The following EYS variants were observed in gnomAD, a reference collection of about 807,000 sequenced individuals.
EYS encodes the protein EGF-like photoreceptor maintenance factor.
In EYS, 250 loss-of-function variants were observed where a neutral mutation model predicts 282.1. That is an observed-to-expected ratio of 0.89 (90% CI 0.80 to 0.98). The LOEUF (loss-of-function observed/expected upper bound fraction) is 0.98. Ranked by LOEUF, EYS falls within the 50% of genes least tolerant of loss-of-function variation. The pLI is 0.00. For missense variants in EYS, 4,016 were observed against 3,709.0 expected (o/e 1.08, Z -2.15); for synonymous variants, 1,355 against 1,282.9 (o/e 1.06, Z -1.20).
intron 30 of EYS, among the ~76,000 whole-genome samples, chr6:64,235,888 A>G (rs6919421): frequency 0.051 from 7,808 of 152,268 alleles, 624 homozygotes; most frequent in African/African-American, 0.18. Flanking sequence ...GAATTCTACC[A>G]GAGGTACAAG....
intron 33 of EYS, among the ~76,000 whole-genome samples, chr6:64,009,648 T>G (rs1053360038): frequency 6.6e-6 from 1 of 152,166 alleles, no homozygotes; most frequent in Non-Finnish European, 1.5e-5. Context: ...ATTGTACTCC[T>G]TAGATTCTTT....
rs140392637 is a variant in EYS, at chr6:63,874,453, G to T, written c.7056-10095C>A. On this transcript the variant is annotated intron_variant, in intron 35 of 42. Transcript: ENST00000503581. ...TGATGCCAACAGCTTTGTTCTTTTG[G>T]CTTAGGATTGTCTTGGCAATGTGGG... Among the ~76,000 whole-genome samples the T allele has an allele frequency of 1.8e-3, 267 of 152,220 alleles. 1 individual carries two copies. The highest frequency in any genetic ancestry group is 6.0e-3 in the African/African-American group (248 of 41,548).
chr6:64,482,697 C>T (rs923029121), intron 26 of EYS, among the ~76,000 whole-genome samples: 1 of 151,652 alleles, frequency 6.6e-6, no homozygotes, highest in African/African-American at 2.4e-5. Context: ...GATATGACAA[C>T]ACAGAAATTG....
chr6:64,551,117 C>CAT (rs969347276), intron 26 of EYS, among the ~76,000 whole-genome samples: 1 of 145,440 alleles, frequency 6.9e-6, no homozygotes, highest in African/African-American at 2.5e-5. Context: ...TATACACACG[C>CAT]ATATATACAC....
chr6:63,747,134 CA>C (rs1026277490), intron 41 of EYS, among the ~76,000 whole-genome samples: 3 of 152,162 alleles, frequency 2.0e-5, no homozygotes, highest in African/African-American at 7.2e-5. Flanking sequence ...TACACAAACA[CA>C]AAAAGATTGT....
intron 12 of EYS, among the ~76,000 whole-genome samples, chr6:65,194,831 G>A (rs1055214632): frequency 6.6e-6 from 1 of 150,780 alleles, no homozygotes. Context: ...AAATACCAGG[G>A]AGAATCTCAT....
At chr6:65,482,149 A>G (rs1422750897) in intron 5 of EYS, among the ~76,000 whole-genome samples, 1 of 152,188 alleles carries the variant, frequency 6.6e-6, no homozygotes, top group Non-Finnish European at 1.5e-5. Context: ...TAGAGAAACA[A>G]GAAGAAAAAA....
chr6:63,753,767 C>A (rs1769406541), intron 41 of EYS, among the ~76,000 whole-genome samples: 1 of 152,186 alleles, frequency 6.6e-6, no homozygotes, highest in Non-Finnish European at 1.5e-5. Context: ...ATCATCTTTT[C>A]TTCTGCTCTC....
At position 65,186,851 on chromosome 6, in the gene EYS, T is replaced by C. The variant is rs181741144; in HGVS notation, c.2023+109012A>G. 5.3e-5 allele frequency among the ~76,000 whole-genome samples: 8 copies of C among 151,824 alleles called. No individual in the cohort carries two copies. In the East Asian group the frequency reaches 1.6e-3, roughly 30 times the overall value. On this transcript the variant is annotated intron_variant, in intron 12 of 42. Coordinates refer to ENST00000503581, the MANE Select transcript of EYS (RefSeq NM_001142800.2). ...TTTTAATTTTGACATACTATTGTCTTTGATGATATTGGATATATTTCTTCC... is the reference window on the plus strand; with the variant it reads ...TTTTAATTTTGACATACTATTGTCTCTGATGATATTGGATATATTTCTTCC...
chr6:64,332,370 G>T (rs1770679640), intron 29 of EYS, among the ~76,000 whole-genome samples: 1 of 152,150 alleles, frequency 6.6e-6, no homozygotes, highest in African/African-American at 2.4e-5. Flanking sequence ...TACAAGGGTG[G>T]GTAAGGAAAA....
chr6:65,151,771 T>A (rs1005581936), intron 12 of EYS, among the ~76,000 whole-genome samples: 4 of 152,022 alleles, frequency 2.6e-5, no homozygotes, highest in African/African-American at 9.7e-5. Flanking sequence ...ATACATTATA[T>A]TTTTCTTATT....
intron 31 of EYS, among the ~76,000 whole-genome samples, chr6:64,144,908 G>A (rs1424232003): frequency 6.6e-6 from 1 of 152,126 alleles, no homozygotes; most frequent in African/African-American, 2.4e-5. Flanking sequence ...TTCTCAATAA[G>A]GGGTCCTTCT....
At chr6:64,208,137 C>T (rs554494540) in intron 31 of EYS, among the ~76,000 whole-genome samples, 22 of 152,116 alleles carry the variant, frequency 1.4e-4, no homozygotes, top group Admixed American at 3.9e-4. Flanking sequence ...TGAAGGATGG[C>T]GATTTCACTG....
intron 1 of EYS, among the ~76,000 whole-genome samples, chr6:65,698,044 G>A (rs561092045): frequency 6.6e-6 from 1 of 152,104 alleles, no homozygotes; most frequent in African/African-American, 2.4e-5. Context: ...TAATATTTAT[G>A]TGTGTCAGGG....
chr6:64,839,425 C>G (rs1765494770), intron 19 of EYS, among the ~76,000 whole-genome samples: 1 of 151,962 alleles, frequency 6.6e-6, no homozygotes, highest in African/African-American at 2.4e-5. Context: ...TTCTATATAA[C>G]AGTGTTCCTT....
At chr6:65,515,615 A>G (rs950676382) in intron 2 of EYS, among the ~76,000 whole-genome samples, 27 of 152,190 alleles carry the variant, frequency 1.8e-4, no homozygotes, top group African/African-American at 6.0e-4. Flanking sequence ...GCAGCCAGAA[A>G]AAATGATGCG....
intron 22 of EYS, among the ~76,000 whole-genome samples, chr6:64,706,059 T>TACCTC (rs1304049591): frequency 1.3e-5 from 2 of 150,036 alleles, no homozygotes; most frequent in Admixed American, 6.7e-5. Flanking sequence ...CACATTACCT[T>TACCTC]ACCTCAAACT....
Position 64,448,950 on chromosome 6 carries a change from T to C in EYS, c.5645-9598A>G, listed in dbSNP as rs55946047. 6.8e-3 allele frequency among the ~76,000 whole-genome samples: 1,030 copies of C among 152,112 alleles called. 8 individuals are homozygous for C. The highest frequency in any genetic ancestry group is 0.012 in the Non-Finnish European group (804 of 68,018). ...GGGAAACTCTAAAAATCAGAGAGCATCTCCTCCTCCAAAGGAACGCAGCTC... is the reference window on the plus strand; with the variant it reads ...GGGAAACTCTAAAAATCAGAGAGCACCTCCTCCTCCAAAGGAACGCAGCTC... On this transcript the variant is annotated intron_variant, in intron 26 of 42. Transcript: ENST00000503581.
chr6:65,583,141 T>C (rs1423295084), intron 2 of EYS, among the ~76,000 whole-genome samples: 4 of 152,108 alleles, frequency 2.6e-5, no homozygotes, highest in Non-Finnish European at 5.9e-5. Flanking sequence ...ACTGTTCTAA[T>C]TGTTAGATAA....
Sources: gnomAD v4.1 joint callset for allele counts (sites outside exome capture counted in the v4.1 genomes callset) on GRCh38, gnomAD v4.1.1 for gene constraint, MANE v1.5 for transcripts, NCBI Gene and HGNC (gene_info 2026-07-23, HGNC 2026-07-21) for gene names.